ERAL1: variants seen among roughly 807,000 people sequenced by gnomAD.
ERAL1 encodes GTPase Era, mitochondrial.
Under a neutral mutation model 53.6 loss-of-function variants are expected in ERAL1, and 36 were observed. That is an observed-to-expected ratio of 0.67 (90% CI 0.51 to 0.89). The LOEUF is 0.89. ERAL1 is among the 40% of genes least tolerant of loss of function. The pLI, the probability that ERAL1 is intolerant of heterozygous loss-of-function variation, is 0.00. For synonymous variants in ERAL1, 215 were observed against 211.8 expected, an observed-to-expected ratio of 1.02 and a Z score of -0.13; for missense variants, 512 against 537.5, an observed-to-expected ratio of 0.95 and a Z score of 0.47.
At chr17:28,858,045 T>G in intron 4 of ERAL1, 60 bp downstream of exon 4, 1 of 1,613,038 alleles carries the variant, frequency 6.2e-7, no homozygotes, top group African/African-American at 1.3e-5. Flanking sequence ...GTGGGGAGAT[T>G]CCATTATAGG....
rs375224542 is a variant in ERAL1 at position 28,855,052 on chromosome 17, G to C, written c.18G>C (p.Trp6Cys). The change falls in exon 1 of 10, where the codon TGG becomes TGC. Residue 6 changes from tryptophan to cysteine, a missense_variant. By Grantham distance (215) the Trp-to-Cys change is radical. Coordinates refer to ENST00000254928, the MANE Select transcript of ERAL1 (RefSeq NM_005702.4). ...CGGCTGTAATGGCTGCCCCCAGCTG[G>C]CGCGGGGCTAGGCTTGTTCAATCGG... is the stretch of plus-strand genomic sequence containing the variant. MAAPS[W>C]RGARLVQSVL... 4.7e-5 allele frequency: 75 copies of C among 1,595,980 alleles called. No individual in the cohort carries two copies. Among genetic ancestry groups the C allele is most frequent in the Non-Finnish European group, 5.7e-5 (67 of 1,168,466 alleles).
At chr17:28,859,780 T>G (rs2039285550) in intron 9 of ERAL1, among the ~76,000 whole-genome samples, 1 of 151,886 alleles carries the variant, frequency 6.6e-6, no homozygotes, top group African/African-American at 2.4e-5. Flanking sequence ...CCTCAAATTG[T>G]CCGCCCACCT....
chr17:28,855,372 T>C (rs1487542960), intron 1 of ERAL1, 55 bp downstream of exon 1: 1 of 1,501,380 alleles, frequency 6.7e-7, no homozygotes, highest in Non-Finnish European at 8.9e-7. Flanking sequence ...TATTGAAAGG[T>C]TTCTGGGGAT....
chr17:28,859,356 T>A (rs773005759), intron 9 of ERAL1, 73 bp downstream of exon 9: 239 of 1,412,548 alleles, frequency 1.7e-4, no homozygotes, highest in Non-Finnish European at 2.0e-4. Flanking sequence ...CTTGGAGCCC[T>A]GAGAGCAGGA....
chr17:28,858,250 C>T (rs771811074), intron 5 of ERAL1, 43 bp downstream of exon 5: 2 of 1,611,094 alleles, frequency 1.2e-6, no homozygotes, highest in African/African-American at 1.3e-5. Context: ...TTACAGGGGT[C>T]ATGGCCTTTC....
chr17:28,860,197 G>C (rs1306885359), intron 9 of ERAL1, among the ~76,000 whole-genome samples: 1 of 151,860 alleles, frequency 6.6e-6, no homozygotes, highest in Non-Finnish European at 1.5e-5. Flanking sequence ...GGCTGGTCTC[G>C]AACTCCTGAC....
chr17:28,860,317 G>A, intron 9 of ERAL1, 114 bp from the exon 10 acceptor site: 1 of 1,278,522 alleles, frequency 7.8e-7, no homozygotes, highest in South Asian at 1.3e-5. Flanking sequence ...CTGTTACCCA[G>A]GCTGGACTCA....
At chr17:28,859,416 T>A (rs1433089569) in intron 9 of ERAL1, 133 bp downstream of exon 9, 3 of 830,352 alleles carry the variant, frequency 3.6e-6, no homozygotes, top group East Asian at 5.4e-5. Flanking sequence ...TTTGAGACAG[T>A]CTCGCTCTGT....
At position 28,858,034 on chromosome 17, in the gene ERAL1, G is replaced by T. The variant is rs1598076200; in HGVS notation, c.536+49G>T. 7 of 1,613,610 alleles carry T rather than the reference G, an allele frequency of 4.3e-6. No individual in the cohort carries two copies. In the East Asian group the frequency reaches 1.3e-4, roughly 31 times the overall value. ...GATTGGCGGGGAGGTACTGAAAGAG[G>T]GTGGGGAGATTCCATTATAGGGGCT... On this transcript the variant is annotated intron_variant, in intron 4 of 9. Coordinates refer to ENST00000254928, the MANE Select transcript of ERAL1 (RefSeq NM_005702.4).
intron 1 of ERAL1, 26 bp downstream of exon 1, chr17:28,855,343 G>A (rs757076674): frequency 1.9e-6 from 3 of 1,538,710 alleles, no homozygotes; most frequent in Non-Finnish European, 2.6e-6. Flanking sequence ...AGGTTTGCTC[G>A]GAACTGTCAT....
chr17:28,857,841 G>T (rs2039261155), intron 3 of ERAL1, 98 bp from the exon 4 acceptor site: 2 of 1,319,548 alleles, frequency 1.5e-6, no homozygotes, highest in African/African-American at 2.9e-5. Flanking sequence ...TGACTGAGAA[G>T]GGAGGGCAGG....
In ERAL1 at chr17:28,858,694, A is replaced by G. The variant is rs756389430; in HGVS notation, c.830A>G (p.His277Arg). ...RQAFHSHPGT[H>R]CPSPAVKDPN... is the part of the protein sequence containing the mutation. ...GCCTTCCACTCACACCCTGGCACCC[A>G]TTGCCCCAGCCCAGCAGTTAAGGAC... The change falls in exon 7 of 10, where the codon CAT becomes CGT. Residue 277 changes from histidine (H) to arginine (R), a missense_variant. His to Arg is a conservative substitution (Grantham distance 29, BLOSUM62 0). Transcript: ENST00000254928. 4.3e-6 allele frequency: 7 copies of G among 1,614,162 alleles called. No homozygotes were observed. The highest frequency in any genetic ancestry group is 3.3e-5 in the Admixed American group (2 of 60,008).
At position 28,858,573 on chromosome 17, in the gene ERAL1, C is replaced by T; in HGVS notation, c.712-3C>T. 2 of 1,614,162 alleles carry T rather than the reference C, an allele frequency of 1.2e-6. No individual in the cohort carries two copies. The highest frequency in any genetic ancestry group is 1.1e-5 in the South Asian group (1 of 91,082). On this transcript the variant is annotated splice_polypyrimidine_tract_variant and splice_region_variant and intron_variant, in intron 6 of 9. Transcript: ENST00000254928. ...ACACCCTTTGCCCATCCCCCATGTC[C>T]AGGTAGATTGTTTGAAGCAGAAGTC...
rs900266381 is a variant in ERAL1 at position 28,860,918 on chromosome 17, C to T, written c.*365C>T. ...AGGGAGATTTCTCTTCCTGCCCTCA[C>T]TTCTTTCACCTTGAACTTGGATAAG... is the stretch of plus-strand genomic sequence containing the variant. On this transcript the variant is annotated 3_prime_UTR_variant, in exon 10 of 10. Coordinates refer to ENST00000254928, the MANE Select transcript of ERAL1 (RefSeq NM_005702.4). 5.4e-6 allele frequency: 1 copy of T among 185,136 alleles called. No homozygotes were observed. Among genetic ancestry groups the T allele is most frequent in the African/African-American group, 2.4e-5 (1 of 41,666 alleles). 11.5% of individuals were successfully genotyped at this position (185,136 alleles called of 1,614,324 possible). A position where few individuals can be genotyped will look rare whatever the true frequency, so the allele number is the denominator to read the frequency against.
rs1212148122 is a variant in ERAL1 at position 28,858,528 on chromosome 17, A to T, written c.711+42A>T. ...TGAGGAAGGGGTCTACTTCCCTCCA[A>T]GTCCCCTATCTCTGACCACACACCC... On this transcript the variant is annotated intron_variant, in intron 6 of 9. Coordinates refer to ENST00000254928, the MANE Select transcript of ERAL1 (RefSeq NM_005702.4). The T allele has an allele frequency of 5.0e-6, 8 of 1,613,934 alleles. No individual in the cohort carries two copies. In the African/African-American group the frequency reaches 6.7e-5, roughly 13 times the overall value.
In ERAL1 at chr17:28,860,542, C is replaced by T. The variant is rs1567920964; in HGVS notation, c.1303C>T (p.Leu435Phe). The T allele has an allele frequency of 6.2e-7, 1 of 1,601,680 alleles. No homozygotes were observed. ...CDVDIRLSVK[L>F]LK is the part of the protein sequence containing the mutation. ...TGTTGACATCCGCCTCTCTGTGAAG[C>T]TCCTCAAGTGACCACCCTCTACTGA... The change falls in exon 10 of 10, where the codon CTC (leucine) becomes TTC (phenylalanine). Residue 435 changes from leucine to phenylalanine, a missense_variant. Coordinates refer to ENST00000254928, the MANE Select transcript of ERAL1 (RefSeq NM_005702.4).
At chr17:28,855,413 A>G in intron 1 of ERAL1, 96 bp downstream of exon 1, 3 of 1,375,594 alleles carry the variant, frequency 2.2e-6, no homozygotes, top group Non-Finnish European at 2.9e-6. Context: ...ATAGAAAACA[A>G]TTTTGAGGCC....
In ERAL1 at chr17:28,860,584, C is replaced by A; in HGVS notation, c.*31C>A. ...CTCTACTGACCCTCCCAGGGCATTC[C>A]AGCTCAAGCTGCTGGCAGGAACTGA... On this transcript the variant is annotated 3_prime_UTR_variant, in exon 10 of 10. Transcript: ENST00000254928. 6.4e-7 allele frequency: 1 copy of A among 1,563,706 alleles called. No homozygotes were observed. The highest frequency in any genetic ancestry group is 8.6e-7 in the Non-Finnish European group (1 of 1,159,472).
Position 28,857,929 on chromosome 17 carries a change from C to A in ERAL1, c.490-10C>A. ...CCTGGGGTCTGGGTATCTCACTTTC[C>A]TGATTTTAGATTCTACTTGACACAC... On this transcript the variant is annotated splice_polypyrimidine_tract_variant and intron_variant, in intron 3 of 9. Transcript: ENST00000254928. 1 of 1,614,118 alleles carries A rather than the reference C, an allele frequency of 6.2e-7. No homozygotes were observed. The highest frequency in any genetic ancestry group is 1.1e-5 in the South Asian group (1 of 91,066).
Sources: allele counts gnomAD v4.1 joint callset (sites outside exome capture counted in the v4.1 genomes callset), GRCh38; gene constraint gnomAD v4.1.1; transcripts MANE v1.5; gene names NCBI Gene and HGNC (gene_info 2026-07-23, HGNC 2026-07-21).